Variants in PAF1 observed in about 807,000 individuals in gnomAD.
The protein encoded by PAF1 is RNA polymerase II-associated factor 1 homolog.
In PAF1, 31 loss-of-function variants were observed where a neutral mutation model predicts 68.4. The ratio of observed to expected loss-of-function variants is 0.45; its 90% CI spans 0.34 to 0.61. The LOEUF (loss-of-function observed/expected upper bound fraction) is 0.61, where lower values mean the gene tolerates loss of function less well. PAF1 is among the 20% of genes least tolerant of loss of function. PAF1 has a pLI of 0.01. For synonymous variants in PAF1, 256 were observed against 240.5 expected, an observed-to-expected ratio of 1.06 and a Z score of -0.60; for missense variants, 435 against 692.9, an observed-to-expected ratio of 0.63 and a Z score of 4.18.
At position 39,386,058 on chromosome 19, in the gene PAF1, G is replaced by A. The variant is rs778486153; in HGVS notation, c.1529C>T (p.Ser510Leu). ...ASPFPSGSEH[S>L]AQEDGSEAAA... ...AGCTTCACTGCCATCCTCCTGGGCC[G>A]AGTGCTCGCTGCCACTGGGGAAGGG... Residue 510 changes from serine to leucine, a missense_variant, in exon 14 of 14, where the codon TCG becomes TTG. Coordinates refer to ENST00000221265, the MANE Select transcript of PAF1 (RefSeq NM_019088.4). The surrounding 1 kb of genome is among the most constrained non-coding windows in gnomAD (Gnocchi z 6.1). The A allele has an allele frequency of 1.5e-5, 25 of 1,613,810 alleles. No homozygotes were observed. Among genetic ancestry groups the A allele is most frequent in the African/African-American group, 2.7e-5 (2 of 74,922 alleles).
rs1350957767 is a variant in PAF1, at chr19:39,389,271, T to A, written c.461+11A>T. On this transcript the variant is annotated intron_variant, in intron 6 of 13. Transcript: ENST00000221265. The surrounding 1 kb of genome is among the most constrained non-coding windows in gnomAD (Gnocchi z 5.3). ...ATCTCCACCTTCCCTCTCTTCCTGT[T>A]AGTAACTTACTTGACCTCAGGCTTC... 1.2e-6 allele frequency: 2 copies of A among 1,612,294 alleles called. No individual in the cohort carries two copies. Among genetic ancestry groups the A allele is most frequent in the Non-Finnish European group, 1.7e-6 (2 of 1,178,244 alleles).
In PAF1 at chr19:39,385,801, G is replaced by T; in HGVS notation, c.*190C>A. On this transcript the variant is annotated 3_prime_UTR_variant, in exon 14 of 14. Coordinates refer to ENST00000221265, the MANE Select transcript of PAF1 (RefSeq NM_019088.4). ...CAAGATCCTTGAGCACCTGGGGGTT[G>T]CGGGAGGTATGTGCTGGGCTGAATG... The T allele has an allele frequency of 2.5e-6, 2 of 795,484 alleles. No individual in the cohort carries two copies. Among genetic ancestry groups the T allele is most frequent in the Non-Finnish European group, 3.9e-6 (2 of 513,984 alleles). The allele number at this position is 795,484 out of a possible 1,614,324, so 49.3% of individuals were successfully genotyped here. A position where few individuals can be genotyped will look rare whatever the true frequency, so the allele number is the denominator to read the frequency against.
chr19:39,390,057 C>T lies in PAF1; in HGVS notation c.170+12G>A. On this transcript the variant is annotated intron_variant, in intron 3 of 13. Coordinates refer to ENST00000221265, the MANE Select transcript of PAF1 (RefSeq NM_019088.4). ...CTCATACCTGAGTAGTTTTCCCATT[C>T]CTTAGTCTCACCTGTTCTGGTCGAA... The T allele has an allele frequency of 1.9e-6, 3 of 1,604,982 alleles. No individual in the cohort carries two copies. The highest frequency in any genetic ancestry group is 2.6e-6 in the Non-Finnish European group (3 of 1,171,788).
chr19:39,390,615 C>T (rs1288316158), intron 1 of PAF1, among the ~76,000 whole-genome samples: 3 of 152,146 alleles, frequency 2.0e-5, no homozygotes, highest in Admixed American at 6.5e-5. Context: ...GGGATCCCTT[C>T]TGGAGGGAGT....
chr19:39,389,471 C>G lies in PAF1; in HGVS notation c.359+9G>C, dbSNP rs1473796790. On this transcript the variant is annotated intron_variant, in intron 5 of 13. Transcript: ENST00000221265. This position sits in a 1 kb window ranked among gnomAD's most constrained non-coding sequence, Gnocchi z 5.3. ...GCCAGTCTCCAGTACCCATTTGCTA[C>G]CCACTCACCTCTTGGAGCTGGTGGG... The G allele has an allele frequency of 6.2e-7, 1 of 1,613,950 alleles. No individual in the cohort carries two copies.
chr19:39,390,779 A>G, intron 1 of PAF1, 39 bp downstream of exon 1: 1 of 1,555,474 alleles, frequency 6.4e-7, no homozygotes, highest in South Asian at 1.2e-5. Context: ...CCCTCTCCCG[A>G]TCCCCCGCCT....
At chr19:39,390,711 T>C (rs2078361330) in intron 1 of PAF1, 107 bp downstream of exon 1, 6 of 1,195,278 alleles carry the variant, frequency 5.0e-6, no homozygotes, top group Non-Finnish European at 6.1e-6. Context: ...TCGTCAAAGG[T>C]GAGCGCTTCA....
At chr19:39,388,212 G>T in intron 11 of PAF1, 127 bp downstream of exon 11, 1 of 877,476 alleles carries the variant, frequency 1.1e-6, no homozygotes, top group Non-Finnish European at 1.8e-6. Context: ...CCAGACATCT[G>T]CTGCTCTTGT....
chr19:39,389,250 C>G lies in PAF1; in HGVS notation c.461+32G>C, dbSNP rs1246028343. The G allele has an allele frequency of 6.2e-7, 1 of 1,609,404 alleles. No homozygotes were observed. Among genetic ancestry groups the G allele is most frequent in the Non-Finnish European group, 8.5e-7 (1 of 1,175,704 alleles). Reference sequence around the variant, plus strand: ...GGGCCACTGGACACACCTAATATCTCCACCTTCCCTCTCTTCCTGTTAGTA... The same window carrying G: ...GGGCCACTGGACACACCTAATATCTGCACCTTCCCTCTCTTCCTGTTAGTA... On this transcript the variant is annotated intron_variant, in intron 6 of 13. Coordinates refer to ENST00000221265, the MANE Select transcript of PAF1 (RefSeq NM_019088.4). This position sits in a 1 kb window ranked among gnomAD's most constrained non-coding sequence, Gnocchi z 5.3.
intron 1 of PAF1, 24 bp downstream of exon 1, chr19:39,390,794 G>C: frequency 6.4e-7 from 1 of 1,569,744 alleles, no homozygotes; most frequent in East Asian, 2.3e-5. Flanking sequence ...CCGCCTTGCT[G>C]CAACAGAAAA....
chr19:39,389,261 C>T lies in PAF1; in HGVS notation c.461+21G>A. 1 of 1,611,338 alleles carries T rather than the reference C, an allele frequency of 6.2e-7. No individual in the cohort carries two copies. Among genetic ancestry groups the T allele is most frequent in the South Asian group, 1.1e-5 (1 of 91,040 alleles). Reference sequence around the variant, plus strand: ...CACACCTAATATCTCCACCTTCCCTCTCTTCCTGTTAGTAACTTACTTGAC... The same window carrying T: ...CACACCTAATATCTCCACCTTCCCTTTCTTCCTGTTAGTAACTTACTTGAC... On this transcript the variant is annotated intron_variant, in intron 6 of 13. Coordinates refer to ENST00000221265, the MANE Select transcript of PAF1 (RefSeq NM_019088.4). The surrounding 1 kb of genome is among the most constrained non-coding windows in gnomAD (Gnocchi z 5.3).
At position 39,390,902 on chromosome 19, in the gene PAF1, G is replaced by A. The variant is rs2078366279; in HGVS notation, c.-38C>T. 2 of 1,555,956 alleles carry A rather than the reference G, an allele frequency of 1.3e-6. No homozygotes were observed. Among genetic ancestry groups the A allele is most frequent in the South Asian group, 1.2e-5 (1 of 84,628 alleles). ...ACGGCAGCCCGGACGGGGTCCTAGC[G>A]GGACCGAAGGGGGACGCAGAGGGGC... On this transcript the variant is annotated 5_prime_UTR_variant, in exon 1 of 14. Transcript: ENST00000221265.
intron 1 of PAF1, 86 bp downstream of exon 1, chr19:39,390,732 G>C: frequency 7.1e-7 from 1 of 1,398,750 alleles, no homozygotes; most frequent in Non-Finnish European, 9.9e-7. Flanking sequence ...TGACGTCACG[G>C]GCAGACCTGG....
chr19:39,387,360 CTGTA>C (rs547463560), intron 11 of PAF1: 1 of 176,680 alleles, frequency 5.7e-6, no homozygotes, highest in Non-Finnish European at 1.2e-5. Context: ...CAGTGCATTA[CTGTA>C]TGTGTCAGTT....
chr19:39,390,771 C>A (rs1041600848), intron 1 of PAF1, 47 bp downstream of exon 1: 1 of 1,546,518 alleles, frequency 6.5e-7, no homozygotes, highest in African/African-American at 1.4e-5. Flanking sequence ...AGCAGAAACC[C>A]TCTCCCGATC....
chr19:39,388,127 C>G (rs1039570573), intron 11 of PAF1, among the ~76,000 whole-genome samples: 2 of 152,130 alleles, frequency 1.3e-5, no homozygotes, highest in African/African-American at 4.8e-5. Context: ...GGCAACAGAG[C>G]GAGACTCCAT....
Position 39,386,504 on chromosome 19 carries a change from T to A in PAF1, c.1161A>T (p.Glu387Asp), listed in dbSNP as rs770761238. The A allele has an allele frequency of 6.2e-7, 1 of 1,614,180 alleles. No individual in the cohort carries two copies. The highest frequency in any genetic ancestry group is 2.2e-5 in the East Asian group (1 of 44,888). Residue 387 changes from glutamate to aspartate, a missense_variant, in exon 13 of 14, where the codon GAA (glutamate) becomes GAT (aspartate). Physicochemically the swap from Glu to Asp is conservative, Grantham distance 45. Around this residue, in one of 7 missense-constraint regions of PAF1, gnomAD observed 78 missense variants for 80.6 expected, o/e 0.97. Coordinates refer to ENST00000221265, the MANE Select transcript of PAF1 (RefSeq NM_019088.4). This position sits in a 1 kb window ranked among gnomAD's most constrained non-coding sequence, Gnocchi z 6.1. ...EEEEEEEMET[E>D]EKEAGGSDEE... is the part of the protein sequence containing the mutation. ...TACCTGAGCCCCCAGCTTCTTTCTC[T>A]TCTGTCTCCATCTCCTCTTCCTCTT...
chr19:39,389,370 C>T lies in PAF1; in HGVS notation c.373G>A (p.Ala125Thr). The change falls in exon 6 of 14, where the codon GCG (alanine) becomes ACG (threonine). Residue 125 changes from alanine (A) to threonine (T), a missense_variant. Around this residue, in one of 7 missense-constraint regions of PAF1, gnomAD observed 5 missense variants for 35.6 expected, o/e 0.14. Transcript: ENST00000221265. This position sits in a 1 kb window ranked among gnomAD's most constrained non-coding sequence, Gnocchi z 5.3. The stretch of plus-strand genomic sequence containing the variant: ...TTTCGCATCCATGGCACCACCTTCG[C>T]GTGCTGCTGGGATCTGGGGTGGGAA... ...PTSSKRSQQH[A>T]KVVPWMRKTE... is the part of the protein sequence containing the mutation. 1 of 1,614,120 alleles carries T rather than the reference C, an allele frequency of 6.2e-7. No homozygotes were observed. Among genetic ancestry groups the T allele is most frequent in the Non-Finnish European group, 8.5e-7 (1 of 1,179,976 alleles).
At position 39,390,383 on chromosome 19, in the gene PAF1, G is replaced by T. The variant is rs527282169; in HGVS notation, c.48-94C>A. The T allele has an allele frequency of 3.1e-4, 375 of 1,194,498 alleles. No individual in the cohort carries two copies. In the African/African-American group the frequency reaches 5.1e-3, roughly 16 times the overall value. 74.0% of individuals were successfully genotyped at this position (1,194,498 alleles called of 1,614,324 possible). On this transcript the variant is annotated intron_variant, in intron 1 of 13. Coordinates refer to ENST00000221265, the MANE Select transcript of PAF1 (RefSeq NM_019088.4). Reference sequence around the variant, plus strand: ...CCCAACCTTTCAAAAGGTAGGAGGGGTGACAAATGCTGGTTTCTTTGGGTG... The same window carrying T: ...CCCAACCTTTCAAAAGGTAGGAGGGTTGACAAATGCTGGTTTCTTTGGGTG...
Sources: allele counts gnomAD v4.1 joint callset (sites outside exome capture counted in the v4.1 genomes callset), GRCh38; gene constraint gnomAD v4.1.1; regional missense constraint gnomAD v4.1.1; non-coding constraint Gnocchi (gnomAD v3.1); transcripts MANE v1.5; gene names NCBI Gene and HGNC (gene_info 2026-07-23, HGNC 2026-07-21).